The following USP34 variants were observed in gnomAD, a reference collection of about 807,000 sequenced individuals.
The protein encoded by USP34 is ubiquitin carboxyl-terminal hydrolase 34.
In USP34, 70 loss-of-function variants were observed where a neutral mutation model predicts 460.3. That is an observed-to-expected ratio of 0.15 (90% CI 0.13 to 0.19). The LOEUF (loss-of-function observed/expected upper bound fraction) is 0.19. Among genes scored for constraint, USP34 ranks in the 10% least tolerant of loss-of-function variants. The pLI, the probability that USP34 is intolerant of heterozygous loss-of-function variation, is 1.00. For synonymous variants in USP34, 1,647 were observed against 1,405.3 expected, an observed-to-expected ratio of 1.17 and a Z score of -3.85; for missense variants, 3,985 against 4,236.2, an observed-to-expected ratio of 0.94 and a Z score of 1.65.
chr2:61,324,422 C>T (rs1006928209), intron 21 of USP34, among the ~76,000 whole-genome samples: 2 of 152,116 alleles, frequency 1.3e-5, no homozygotes, highest in Non-Finnish European at 2.9e-5. Context: ...GATAATAATA[C>T]ATAAATAATA....
At chr2:61,270,311 C>T (rs961728228) in intron 41 of USP34, among the ~76,000 whole-genome samples, 54 of 152,258 alleles carry the variant, frequency 3.5e-4, no homozygotes, top group African/African-American at 1.2e-3. Context: ...CACAAGACTC[C>T]GTGAATCAAA....
chr2:61,295,146 A>T, intron 31 of USP34, 22 bp downstream of exon 31: 8 of 1,600,966 alleles, frequency 5.0e-6, no homozygotes, highest in Non-Finnish European at 6.8e-6. Flanking sequence ...ACATTTAATG[A>T]TAATAATGGA....
chr2:61,463,805 G>A (rs1695678833), intron 1 of USP34, among the ~76,000 whole-genome samples: 1 of 151,266 alleles, frequency 6.6e-6, no homozygotes, highest in Non-Finnish European at 1.5e-5. Flanking sequence ...TTGCACACCA[G>A]CCTGGGCAAC....
chr2:61,445,316 A>C (rs1695079540), intron 1 of USP34, among the ~76,000 whole-genome samples: 1 of 151,098 alleles, frequency 6.6e-6, no homozygotes, highest in South Asian at 2.1e-4. Context: ...CGGGCGGATC[A>C]CAAGGTCAGG....
intron 1 of USP34, among the ~76,000 whole-genome samples, chr2:61,425,986 G>C (rs915706458): frequency 6.6e-6 from 1 of 151,936 alleles, no homozygotes; most frequent in African/African-American, 2.4e-5. Flanking sequence ...CCCCTGTTCA[G>C]GGCCCTAACT....
At chr2:61,222,577 G>T in intron 65 of USP34, 42 bp downstream of exon 65, 3 of 1,555,218 alleles carry the variant, frequency 1.9e-6, no homozygotes, top group South Asian at 1.1e-5. Flanking sequence ...TAGCAGTGCT[G>T]AAAATTGTTT....
chr2:61,213,867 G>A (rs1203842054), intron 68 of USP34, among the ~76,000 whole-genome samples, 193 bp downstream of exon 68: 1 of 152,068 alleles, frequency 6.6e-6, no homozygotes, highest in Admixed American at 6.5e-5. Flanking sequence ...CCTAAGAAAA[G>A]TTATCTACAC....
Position 61,319,219 on chromosome 2 carries a change from T to A in USP34, c.3122A>T (p.Gln1041Leu), listed in dbSNP as rs1199232279. Residue 1041 changes from glutamine to leucine, a missense_variant, in exon 22 of 80, where the codon CAA (glutamine) becomes CTA (leucine). Transcript: ENST00000398571. Reference sequence around the variant, plus strand: ...GTAGGTTTCCATACCCATAGCATGTTGATCTTTACTTCGAACTTGATTTAA... The same window carrying A: ...GTAGGTTTCCATACCCATAGCATGTAGATCTTTACTTCGAACTTGATTTAA... ...WFLNQVRSKD[Q>L]HAMGMETYKH... The A allele has an allele frequency of 3.1e-6, 5 of 1,590,932 alleles. No homozygotes were observed. In the African/African-American group the frequency reaches 6.8e-5, roughly 22 times the overall value.
chr2:61,341,214 T>A (rs34668697), intron 16 of USP34, among the ~76,000 whole-genome samples: 79,658 of 152,054 alleles, frequency 0.52, 21,202 homozygotes, highest in South Asian at 0.73. Flanking sequence ...CTATGTGAAT[T>A]TATCAGTTAA....
At chr2:61,189,690 A>G (rs1464754160) in intron 78 of USP34, 1 of 152,432 alleles carries the variant, frequency 6.6e-6, no homozygotes, top group Non-Finnish European at 1.5e-5. Flanking sequence ...AGAATTTTAA[A>G]AACAAACCTT....
intron 28 of USP34, 62 bp downstream of exon 28, chr2:61,301,292 G>A (rs1278474781): frequency 2.1e-5 from 32 of 1,549,794 alleles, no homozygotes; most frequent in South Asian, 1.2e-4. Context: ...CTACATCTGC[G>A]ACTATTCAAC....
At chr2:61,255,999 C>T (rs532389960) in intron 48 of USP34, among the ~76,000 whole-genome samples, 4 of 152,326 alleles carry the variant, frequency 2.6e-5, no homozygotes, top group African/African-American at 9.6e-5. Flanking sequence ...AGGTTTCAGA[C>T]ATCTATTGTG....
At chr2:61,309,728 A>G (rs1226249848) in intron 27 of USP34, among the ~76,000 whole-genome samples, 1 of 152,226 alleles carries the variant, frequency 6.6e-6, no homozygotes, top group Non-Finnish European at 1.5e-5. Flanking sequence ...TAGATCATGA[A>G]GAGCTTAGAA....
chr2:61,461,893 G>T (rs1695611874), intron 1 of USP34, among the ~76,000 whole-genome samples: 2 of 152,034 alleles, frequency 1.3e-5, no homozygotes, highest in Non-Finnish European at 2.9e-5. Context: ...TCATAATATG[G>T]GAGAACTGGA....
intron 1 of USP34, among the ~76,000 whole-genome samples, chr2:61,428,686 C>A (rs1694579634): frequency 6.6e-6 from 1 of 152,170 alleles, no homozygotes. Context: ...ATCGTATGCA[C>A]TAAGCAAGCC....
At chr2:61,381,267 C>T (rs977328504) in intron 6 of USP34, among the ~76,000 whole-genome samples, 2 of 140,804 alleles carry the variant, frequency 1.4e-5, no homozygotes, top group African/African-American at 5.7e-5. Context: ...AAAAATAAAA[C>T]ACACACACAC....
chr2:61,417,130 C>T, intron 2 of USP34: 2 of 1,571,600 alleles, frequency 1.3e-6, no homozygotes, highest in East Asian at 4.5e-5. Flanking sequence ...CATAACTTGG[C>T]CAATGTGAAC....
At chr2:61,450,607 C>T (rs924691430) in intron 1 of USP34, among the ~76,000 whole-genome samples, 1 of 151,626 alleles carries the variant, frequency 6.6e-6, no homozygotes, top group African/African-American at 2.4e-5. Context: ...ACTAAAAATA[C>T]CAAATAAATA....
At chr2:61,276,444 C>T (rs1689374673) in intron 41 of USP34, among the ~76,000 whole-genome samples, 1 of 152,002 alleles carries the variant, frequency 6.6e-6, no homozygotes, top group Non-Finnish European at 1.5e-5. Flanking sequence ...TCACAGAATA[C>T]TATTTATAAA....
Sources: gnomAD v4.1 joint callset for allele counts (sites outside exome capture counted in the v4.1 genomes callset) on GRCh38, gnomAD v4.1.1 for gene constraint, MANE v1.5 for transcripts, NCBI Gene and HGNC (gene_info 2026-07-23, HGNC 2026-07-21) for gene names.